The following ZBBX variants were observed in gnomAD, a reference collection of about 807,000 sequenced individuals.
ZBBX encodes zinc finger B-box domain containing.
A neutral mutation model predicts 108.5 loss-of-function variants in ZBBX; 101 were observed. That is an observed-to-expected ratio of 0.93 (90% CI 0.79 to 1.10). ZBBX has a LOEUF of 1.10. Ranked by LOEUF, ZBBX falls within the 50% of genes least tolerant of loss-of-function variation. The probability of loss-of-function intolerance (pLI) is 0.00; values close to 1 mark genes in which losing one functional copy is unlikely to be tolerated. For missense variants in ZBBX, 1,009 were observed against 941.4 expected, an observed-to-expected ratio of 1.07 and a Z score of -0.94; for synonymous variants, 356 against 323.4, an observed-to-expected ratio of 1.10 and a Z score of -1.08.
In ZBBX at chr3:167,305,835, T is replaced by A. The variant is rs1217144243; in HGVS notation, c.1533A>T (p.Ile511=). ...SFERNLKEKN[I]GLESNQKSDD... ...CAGACTTTTGATTACTTTCTAAACC[T>A]ATATTTTTCTCCTTTAAATTTCTTT... The change falls in exon 17 of 22, where the codon ATA becomes ATT. Residue 511 remains isoleucine (I), a synonymous_variant. Coordinates refer to ENST00000675490, the MANE Select transcript of ZBBX (RefSeq NM_001199201.2). 6.2e-7 allele frequency: 1 copy of A among 1,611,620 alleles called. No homozygotes were observed. The highest frequency in any genetic ancestry group is 1.7e-5 in the Admixed American group (1 of 59,710).
At chr3:167,391,848 G>A (rs1748091914) in intron 1 of ZBBX, among the ~76,000 whole-genome samples, 2 of 151,716 alleles carry the variant, frequency 1.3e-5, no homozygotes, top group Admixed American at 1.3e-4. Context: ...AGATATATTA[G>A]AATTTTATAT....
intron 11 of ZBBX, among the ~76,000 whole-genome samples, chr3:167,323,371 C>T (rs1736815819): frequency 6.6e-6 from 1 of 151,920 alleles, no homozygotes; most frequent in South Asian, 2.1e-4. Context: ...GCCCGTGATT[C>T]ACTTTTCTCC....
chr3:167,397,902 T>G (rs1748301846), intron 1 of ZBBX, among the ~76,000 whole-genome samples: 1 of 151,174 alleles, frequency 6.6e-6, no homozygotes, highest in African/African-American at 2.4e-5. Context: ...AAAAATAAGT[T>G]TAAGCTCAGC....
intron 20 of ZBBX, among the ~76,000 whole-genome samples, chr3:167,245,849 T>A (rs1056055815): frequency 1.8e-4 from 27 of 152,350 alleles, no homozygotes; most frequent in African/African-American, 6.0e-4. Context: ...AAGTTTTTTT[T>A]ATAAGTTATT....
intron 1 of ZBBX, among the ~76,000 whole-genome samples, chr3:167,406,642 A>C (rs1748597492): frequency 6.6e-6 from 1 of 152,224 alleles, no homozygotes; most frequent in Non-Finnish European, 1.5e-5. Context: ...AATTTTAAAA[A>C]CATTTTCTCC....
chr3:167,329,504 G>A (rs757799434), intron 10 of ZBBX, among the ~76,000 whole-genome samples: 1 of 152,128 alleles, frequency 6.6e-6, no homozygotes, highest in Admixed American at 6.5e-5. Flanking sequence ...AGAAACACAG[G>A]TTAATAAGTC....
At chr3:167,266,180 TG>T (rs1725429316) in intron 20 of ZBBX, among the ~76,000 whole-genome samples, 1 of 152,212 alleles carries the variant, frequency 6.6e-6, no homozygotes, top group African/African-American at 2.4e-5. Context: ...TGTTTTGCCA[TG>T]TTTCTCCTCC....
intron 4 of ZBBX, among the ~76,000 whole-genome samples, chr3:167,371,235 G>A (rs1001267154): frequency 1.3e-5 from 2 of 152,140 alleles, no homozygotes; most frequent in African/African-American, 2.4e-5. Context: ...TCTAGACCCT[G>A]CCTTTTTCTC....
chr3:167,402,887 GA>G (rs915875533), intron 1 of ZBBX, among the ~76,000 whole-genome samples: 8 of 150,812 alleles, frequency 5.3e-5, no homozygotes, highest in African/African-American at 1.7e-4. Context: ...GTAAAGCATA[GA>G]AAAAAAGGCA....
the ZBBX span, among the ~76,000 whole-genome samples, chr3:167,187,173 A>C: frequency 2.6e-5 from 4 of 152,204 alleles, no homozygotes; most frequent in Non-Finnish European, 4.4e-5. Flanking sequence ...ATAATATATA[A>C]GATACCAGCC....
At chr3:167,289,638 C>A (rs1362031577) in intron 18 of ZBBX, among the ~76,000 whole-genome samples, 1 of 152,176 alleles carries the variant, frequency 6.6e-6, no homozygotes, top group Non-Finnish European at 1.5e-5. Flanking sequence ...CCTACACCAC[C>A]AGGGACCTTG....
chr3:167,404,771 T>C (rs527510300), intron 1 of ZBBX, among the ~76,000 whole-genome samples: 2 of 152,330 alleles, frequency 1.3e-5, no homozygotes, highest in African/African-American at 2.4e-5. Flanking sequence ...GGAAATAATA[T>C]GACCAGATTT....
At chr3:167,253,236 C>G (rs1053823052) in intron 20 of ZBBX, among the ~76,000 whole-genome samples, 2 of 152,048 alleles carry the variant, frequency 1.3e-5, no homozygotes, top group African/African-American at 4.8e-5. Context: ...TATTCCAATA[C>G]ACAGTGTGTG....
At chr3:167,279,979 C>G (rs918017442) in intron 20 of ZBBX, among the ~76,000 whole-genome samples, 52 of 151,716 alleles carry the variant, frequency 3.4e-4, no homozygotes, top group African/African-American at 1.2e-3. Context: ...ACAAACCTGA[C>G]AAAAACAAGC....
intron 20 of ZBBX, chr3:167,248,740 C>A (rs1192616202): frequency 1.6e-5 from 7 of 438,912 alleles, no homozygotes; most frequent in Non-Finnish European, 2.8e-5. Context: ...CTAAACCCCC[C>A]ACCTCACGGA....
the ZBBX span, among the ~76,000 whole-genome samples, chr3:167,187,750 AT>A: frequency 6.6e-6 from 1 of 152,230 alleles, no homozygotes; most frequent in African/African-American, 2.4e-5. Flanking sequence ...ACTTAAGTAT[AT>A]TACTATCCAA....
chr3:167,222,342 T>A, the ZBBX span, among the ~76,000 whole-genome samples: 1 of 151,936 alleles, frequency 6.6e-6, no homozygotes, highest in South Asian at 2.1e-4. Flanking sequence ...CACTTATTTA[T>A]GAGATCTAAA....
chr3:167,183,283 T>G, the ZBBX span, among the ~76,000 whole-genome samples: 1 of 152,198 alleles, frequency 6.6e-6, no homozygotes, highest in Admixed American at 6.5e-5. Flanking sequence ...ATTACCCTGA[T>G]GTTTCCAAGC....
At chr3:167,270,571 G>A (rs995950643) in intron 20 of ZBBX, among the ~76,000 whole-genome samples, 4 of 152,198 alleles carry the variant, frequency 2.6e-5, no homozygotes, top group Non-Finnish European at 5.9e-5. Context: ...CACAGTGGCT[G>A]CCGGCAGCCT....
Sources: gnomAD v4.1 joint callset for allele counts (sites outside exome capture counted in the v4.1 genomes callset) on GRCh38, gnomAD v4.1.1 for gene constraint, MANE v1.5 for transcripts, NCBI Gene and HGNC (gene_info 2026-07-23, HGNC 2026-07-21) for gene names.